The following ZFP69B variants were observed in gnomAD, a reference collection of about 807,000 sequenced individuals.
ZFP69B encodes ZFP69 zinc finger protein B.
Under a neutral mutation model 19.7 loss-of-function variants are expected in ZFP69B, and 20 were observed. The ratio of observed to expected loss-of-function variants is 1.02; its 90% CI spans 0.71 to 1.48. ZFP69B has a LOEUF of 1.48. Ranked by LOEUF, ZFP69B falls within the 40% of genes most tolerant of loss-of-function variation. The pLI, the probability that ZFP69B is intolerant of heterozygous loss-of-function variation, is 0.00. For missense variants in ZFP69B, 583 were observed against 632.6 expected (o/e 0.92, Z 0.84); for synonymous variants, 220 against 222.7 (o/e 0.99, Z 0.11).
At chr1:40,460,046 A>T (rs1645267627) in intron 4 of ZFP69B, among the ~76,000 whole-genome samples, 2 of 152,194 alleles carry the variant, frequency 1.3e-5, no homozygotes, top group Admixed American at 6.5e-5. Context: ...TTTATCACAA[A>T]TTGAGAAGCC....
Position 40,456,998 on chromosome 1 carries a change from G to C in ZFP69B, c.267G>C (p.Gly89=). 1 of 1,614,046 alleles carries C rather than the reference G, an allele frequency of 6.2e-7. No individual in the cohort carries two copies. Among genetic ancestry groups the C allele is most frequent in the South Asian group, 1.1e-5 (1 of 91,058 alleles). ...TGGACTTCACTCAGGAGGAGTGGGG[G>C]CAGCTGGCCCCTGCTCACCGGAATC... ...VSVDFTQEEW[G]QLAPAHRNLY... The change falls in exon 3 of 5, where the codon GGG becomes GGC. Residue 89 remains glycine, a synonymous_variant. Transcript: ENST00000361584.
rs1010362466 is a variant in ZFP69B at position 40,450,817 on chromosome 1, A to T, written c.-145A>T. ...ATGTTCCCTGGGTTCCTGAGAGAGGACATTGAGGAGTAGGAGTCGGCGATT... is the reference window on the plus strand; with the variant it reads ...ATGTTCCCTGGGTTCCTGAGAGAGGTCATTGAGGAGTAGGAGTCGGCGATT... On this transcript the variant is annotated 5_prime_UTR_variant, in exon 1 of 5. Coordinates refer to ENST00000361584, the MANE Select transcript of ZFP69B (RefSeq NM_023070.3). The T allele has an allele frequency of 2.4e-5, 21 of 866,878 alleles. No homozygotes were observed. The African/African-American group carries it at 3.5e-4, about 15-fold the overall frequency. 53.7% of individuals were successfully genotyped at this position (866,878 alleles called of 1,614,324 possible).
At position 40,457,349 on chromosome 1, in the gene ZFP69B, C is replaced by G. The variant is rs1029845112; in HGVS notation, c.346C>G (p.Gln116Glu). 3.7e-6 allele frequency: 6 copies of G among 1,613,958 alleles called. No individual in the cohort carries two copies. The African/African-American group carries it at 8.0e-5, about 22-fold the overall frequency. Residue 116 changes from glutamine to glutamate, a missense_variant, in exon 4 of 5, where the codon CAG becomes GAG. Gln to Glu is a conservative substitution (Grantham distance 29). Coordinates refer to ENST00000361584, the MANE Select transcript of ZFP69B (RefSeq NM_023070.3). ...NYGNLVSVGCQLSKPGVISQL... is the reference protein window; with the variant it reads ...NYGNLVSVGCELSKPGVISQL... ...CTTTTCTTCCCCATAAGCAGGATGT[C>G]AGCTTTCCAAACCTGGCGTGATTTC...
rs1231905224 is a variant in ZFP69B at position 40,463,082 on chromosome 1, G to A, written c.1098G>A (p.Arg366=). The A allele has an allele frequency of 6.2e-6, 10 of 1,614,016 alleles. No homozygotes were observed. Among genetic ancestry groups the A allele is most frequent in the Non-Finnish European group, 8.5e-6 (10 of 1,180,018 alleles). The part of the protein sequence containing the change: ...IHTGEKPYEC[R]VCEKAFSQSI... ...CCGGGGAAAAGCCCTATGAATGTAGGGTATGTGAGAAAGCCTTCAGCCAGA... is the reference window on the plus strand; with the variant it reads ...CCGGGGAAAAGCCCTATGAATGTAGAGTATGTGAGAAAGCCTTCAGCCAGA... Residue 366 remains arginine (R), a synonymous_variant, in exon 5 of 5, where the codon AGG becomes AGA. Coordinates refer to ENST00000361584, the MANE Select transcript of ZFP69B (RefSeq NM_023070.3).
At chr1:40,458,918 A>C (rs1645258504) in intron 4 of ZFP69B, among the ~76,000 whole-genome samples, 1 of 152,196 alleles carries the variant, frequency 6.6e-6, no homozygotes, top group East Asian at 1.9e-4. Flanking sequence ...GGGTTTCCTC[A>C]TCATCTGCAT....
Position 40,454,210 on chromosome 1 carries a change from G to C in ZFP69B, c.135G>C (p.Leu45=), listed in dbSNP as rs1645212104. Residue 45 remains leucine (L), a synonymous_variant, in exon 2 of 5, where the codon CTG becomes CTC. Transcript: ENST00000361584. Reference sequence around the variant, plus strand: ...GCTCTTTTCCTTCCCCAGCTCTGCTGTCTCAGGATGCTGATGAGACCCAGG... The same window carrying C: ...GCTCTTTTCCTTCCCCAGCTCTGCTCTCTCAGGATGCTGATGAGACCCAGG... ...VTKMFKAEAL[L]SQDADETQGE... 1 of 1,599,102 alleles carries C rather than the reference G, an allele frequency of 6.3e-7. No homozygotes were observed. Among genetic ancestry groups the C allele is most frequent in the Non-Finnish European group, 8.5e-7 (1 of 1,171,868 alleles).
In ZFP69B at chr1:40,462,978, G is replaced by T. The variant is rs946487160; in HGVS notation, c.994G>T (p.Glu332Ter). 6.2e-7 allele frequency: 1 copy of T among 1,614,092 alleles called. No individual in the cohort carries two copies. The highest frequency in any genetic ancestry group is 1.3e-5 in the African/African-American group (1 of 75,016). ...TCCGCATCAGAGAATTCATACTGGT[G>T]AGAAACCCTATGAATGTAAGGAGTG... ...LIPHQRIHTG[E>*]KPYECKECGK... Residue 332 changes from glutamate (E) to a stop codon, truncating the protein, a stop_gained, in exon 5 of 5, where the codon GAG becomes TAG. Coordinates refer to ENST00000361584, the MANE Select transcript of ZFP69B (RefSeq NM_023070.3). LOFTEE classifies it low-confidence loss of function (END_TRUNC).
intron 4 of ZFP69B, 30 bp downstream of exon 4, chr1:40,457,469 A>G (rs773214732): frequency 6.3e-7 from 1 of 1,593,706 alleles, no homozygotes; most frequent in Non-Finnish European, 8.6e-7. Flanking sequence ...GGCCTTTGTG[A>G]TGTTAGCCAG....
intron 4 of ZFP69B, among the ~76,000 whole-genome samples, chr1:40,461,330 A>G (rs1040112325): frequency 6.6e-6 from 1 of 152,176 alleles, no homozygotes; most frequent in Non-Finnish European, 1.5e-5. Flanking sequence ...AGGGAATTTT[A>G]TCCCAGTTAG....
At chr1:40,454,508 C>T (rs1167171821) in intron 2 of ZFP69B, among the ~76,000 whole-genome samples, 2 of 152,154 alleles carry the variant, frequency 1.3e-5, no homozygotes, top group Non-Finnish European at 2.9e-5. Context: ...ACGCCATTCT[C>T]CTGCCTCAGC....
intron 2 of ZFP69B, among the ~76,000 whole-genome samples, chr1:40,455,715 G>A (rs564070746): frequency 6.6e-6 from 1 of 152,058 alleles, no homozygotes; most frequent in African/African-American, 2.4e-5. Flanking sequence ...CCATCAACCC[G>A]TCATCTACAT....
Position 40,462,770 on chromosome 1 carries a change from C to T in ZFP69B, c.786C>T (p.Tyr262=). ...KYDTPGKRSR[Y]NIDLVNHSRS... is the part of the protein sequence containing the mutation. The stretch of plus-strand genomic sequence containing the variant: ...ACACACCTGGAAAGAGAAGCAGATA[C>T]AACATAGATTTAGTTAATCATTCAA... Residue 262 remains tyrosine, a synonymous_variant, in exon 5 of 5, where the codon TAC becomes TAT. Transcript: ENST00000361584. 1 of 1,613,742 alleles carries T rather than the reference C, an allele frequency of 6.2e-7. No individual in the cohort carries two copies. Among genetic ancestry groups the T allele is most frequent in the Non-Finnish European group, 8.5e-7 (1 of 1,179,896 alleles).
intron 4 of ZFP69B, among the ~76,000 whole-genome samples, chr1:40,460,775 G>A (rs1645274972): frequency 6.6e-6 from 1 of 152,046 alleles, no homozygotes. Flanking sequence ...AAGGTAAAGA[G>A]ATCGAGACCA....
intron 4 of ZFP69B, among the ~76,000 whole-genome samples, chr1:40,459,191 T>C (rs1327907785): frequency 6.6e-6 from 1 of 152,246 alleles, no homozygotes; most frequent in Non-Finnish European, 1.5e-5. Flanking sequence ...CTGTCTTTTT[T>C]ACACTGTTGC....
At position 40,462,611 on chromosome 1, in the gene ZFP69B, C is replaced by A. The variant is rs1338168118; in HGVS notation, c.627C>A (p.Ile209=). 1 of 1,613,730 alleles carries A rather than the reference C, an allele frequency of 6.2e-7. No homozygotes were observed. The highest frequency in any genetic ancestry group is 1.3e-5 in the African/African-American group (1 of 74,870). ...QENQRMGKGQ[I]PLMCKKTFTQ... is the part of the protein sequence containing the mutation. ...ACCAAAGAATGGGTAAGGGGCAAAT[C>A]CCCCTGATGTGCAAGAAAACATTCA... Residue 209 remains isoleucine (I), a synonymous_variant, in exon 5 of 5, where the codon ATC becomes ATA. Coordinates refer to ENST00000361584, the MANE Select transcript of ZFP69B (RefSeq NM_023070.3).
At position 40,463,057 on chromosome 1, in the gene ZFP69B, C is replaced by G; in HGVS notation, c.1073C>G (p.Thr358Ser). The change falls in exon 5 of 5, where the codon ACC (threonine) becomes AGC (serine). Residue 358 changes from threonine to serine, a missense_variant. Thr to Ser is a moderately conservative substitution (Grantham distance 58). Coordinates refer to ENST00000361584, the MANE Select transcript of ZFP69B (RefSeq NM_023070.3). ...CTTACTCAACATGTTAGAATTCATA[C>G]CGGGGAAAAGCCCTATGAATGTAGG... ...SSLTQHVRIHTGEKPYECRVC... is the reference protein window; with the variant it reads ...SSLTQHVRIHSGEKPYECRVC... 1 of 1,614,122 alleles carries G rather than the reference C, an allele frequency of 6.2e-7. No individual in the cohort carries two copies. The highest frequency in any genetic ancestry group is 8.5e-7 in the Non-Finnish European group (1 of 1,180,034).
At chr1:40,454,853 A>G (rs1268759121) in intron 2 of ZFP69B, among the ~76,000 whole-genome samples, 1 of 152,166 alleles carries the variant, frequency 6.6e-6, no homozygotes, top group Admixed American at 6.5e-5. Context: ...CTGAGGCCGC[A>G]TGTGTGTGTG....
At chr1:40,461,259 C>G (rs902769112) in intron 4 of ZFP69B, among the ~76,000 whole-genome samples, 7 of 150,814 alleles carry the variant, frequency 4.6e-5, no homozygotes, top group African/African-American at 9.8e-5. Context: ...TGCATACATT[C>G]ACATATACAT....
intron 4 of ZFP69B, among the ~76,000 whole-genome samples, chr1:40,461,973 C>T (rs572935692): frequency 2.6e-5 from 4 of 152,194 alleles, no homozygotes; most frequent in South Asian, 2.1e-4. Context: ...AGTGCAGTGG[C>T]GTGATTACGG....
Sources: allele counts gnomAD v4.1 joint callset (sites outside exome capture counted in the v4.1 genomes callset), GRCh38; gene constraint gnomAD v4.1.1; transcripts MANE v1.5; gene names NCBI Gene and HGNC (gene_info 2026-07-23, HGNC 2026-07-21).